The following SLC16A10 variants were observed in gnomAD, a reference collection of about 807,000 sequenced individuals.
SLC16A10 encodes monocarboxylate transporter 10.
In SLC16A10, 27 loss-of-function variants were observed where a neutral mutation model predicts 40.0. The ratio of observed to expected loss-of-function variants is 0.67; its 90% CI spans 0.50 to 0.93. The LOEUF (loss-of-function observed/expected upper bound fraction) is 0.93, where lower values mean the gene tolerates loss of function less well. SLC16A10 is among the 40% of genes least tolerant of loss of function. The pLI, the probability that SLC16A10 is intolerant of heterozygous loss-of-function variation, is 0.00. For missense variants in SLC16A10, 529 were observed against 658.2 expected, an observed-to-expected ratio of 0.80 and a Z score of 2.15; for synonymous variants, 213 against 249.8, an observed-to-expected ratio of 0.85 and a Z score of 1.39.
chr6:111,216,974 C>T (rs893344088), intron 4 of SLC16A10, among the ~76,000 whole-genome samples: 3 of 152,162 alleles, frequency 2.0e-5, no homozygotes, highest in African/African-American at 7.2e-5. Context: ...GTGGCTGCCC[C>T]GAGGTGTACT....
chr6:111,163,738 T>C (rs1172744139), intron 1 of SLC16A10, among the ~76,000 whole-genome samples: 1 of 152,148 alleles, frequency 6.6e-6, no homozygotes, highest in African/African-American at 2.4e-5. Flanking sequence ...ACATTAGAGG[T>C]TTAAAACACT....
chr6:111,189,368 A>G (rs1433580596), intron 3 of SLC16A10, among the ~76,000 whole-genome samples: 1 of 152,208 alleles, frequency 6.6e-6, no homozygotes, highest in Admixed American at 6.5e-5. Context: ...TGGGAGGCCT[A>G]TAACAGAATT....
At chr6:111,091,946 G>A (rs1223534157) in intron 1 of SLC16A10, among the ~76,000 whole-genome samples, 1 of 152,110 alleles carries the variant, frequency 6.6e-6, no homozygotes. Context: ...TCTGTTGTGG[G>A]ATACAAATTA....
rs1772704833 is a variant in SLC16A10, at chr6:111,177,334, G to A, written c.611G>A (p.Gly204Asp). ...AAGAAGCGCCTTGGACTGGTGAATGGCATTGTCACTGCTGGCAGCAGTGTC... is the reference window on the plus strand; with the variant it reads ...AAGAAGCGCCTTGGACTGGTGAATGACATTGTCACTGCTGGCAGCAGTGTC... ...YFKKRLGLVN[G>D]IVTAGSSVFT... The change falls in exon 3 of 6, where the codon GGC becomes GAC. Residue 204 changes from glycine (G) to aspartate (D), a missense_variant. Gly to Asp is a moderately conservative substitution (Grantham distance 94). Transcript: ENST00000368851. 2 of 1,613,672 alleles carry A rather than the reference G, an allele frequency of 1.2e-6. No individual in the cohort carries two copies. The highest frequency in any genetic ancestry group is 1.7e-6 in the Non-Finnish European group (2 of 1,179,870).
At chr6:111,134,042 A>C (rs1771832277) in intron 1 of SLC16A10, among the ~76,000 whole-genome samples, 1 of 152,230 alleles carries the variant, frequency 6.6e-6, no homozygotes, top group African/African-American at 2.4e-5. Flanking sequence ...AAATGAGAGA[A>C]GTGCTGCCAT....
rs1290049379 is a variant in SLC16A10, at chr6:111,224,993, T to G, written c.*2758T>G. On this transcript the variant is annotated 3_prime_UTR_variant, in exon 6 of 6. Coordinates refer to ENST00000368851, the MANE Select transcript of SLC16A10 (RefSeq NM_018593.5). ...CTGGCATTTGAGGCCAAAAAAAGCA[T>G]GAAAGGGAGTAACATTCCTTTTTAT... is the stretch of plus-strand genomic sequence containing the variant. The G allele has an allele frequency of 6.6e-6, 1 of 152,220 alleles. No homozygotes were observed. The highest frequency in any genetic ancestry group is 1.5e-5 in the Non-Finnish European group (1 of 68,032). The allele number at this position is 152,220 out of a possible 1,614,324, so 9.4% of individuals were successfully genotyped here.
intron 1 of SLC16A10, among the ~76,000 whole-genome samples, chr6:111,153,468 A>G (rs1150080): frequency 0.98 from 148,423 of 152,178 alleles, 72,385 homozygotes; most frequent in East Asian, 1. Flanking sequence ...CTGGGAGGTG[A>G]AGGTTGCAGT....
At chr6:111,178,455 G>C (rs1305827216) in intron 3 of SLC16A10, 1 of 530,896 alleles carries the variant, frequency 1.9e-6, no homozygotes, top group East Asian at 5.5e-5. Flanking sequence ...CTAGACTGGG[G>C]TTGGTGCCTC....
intron 1 of SLC16A10, among the ~76,000 whole-genome samples, chr6:111,135,530 TAGAGGAA>T (rs1771862895): frequency 6.6e-6 from 1 of 152,198 alleles, no homozygotes; most frequent in African/African-American, 2.4e-5. Context: ...TCCCAAATAC[TAGAGGAA>T]GCAAAGTGGT....
intron 1 of SLC16A10, among the ~76,000 whole-genome samples, chr6:111,113,070 T>C (rs1238460727): frequency 6.6e-6 from 1 of 152,148 alleles, no homozygotes; most frequent in Admixed American, 6.6e-5. Flanking sequence ...ATACTAGAAT[T>C]TAAAATATTA....
intron 3 of SLC16A10, among the ~76,000 whole-genome samples, chr6:111,189,453 T>A (rs1466335086): frequency 6.6e-6 from 1 of 152,218 alleles, no homozygotes; most frequent in African/African-American, 2.4e-5. Flanking sequence ...TTATTAAAAA[T>A]CTGCATATCA....
At chr6:111,169,919 CTTTTTTT>C (rs60561269) in intron 1 of SLC16A10, among the ~76,000 whole-genome samples, 1 of 135,114 alleles carries the variant, frequency 7.4e-6, no homozygotes, top group African/African-American at 2.7e-5. Flanking sequence ...TCTTTTCTTT[CTTTTTTT>C]TTTTTTTTGA....
chr6:111,223,618 C>G lies in SLC16A10; in HGVS notation c.*1383C>G, dbSNP rs1770941429. 1 of 152,146 alleles carries G rather than the reference C, an allele frequency of 6.6e-6. No individual in the cohort carries two copies. Among genetic ancestry groups the G allele is most frequent in the Admixed American group, 6.5e-5 (1 of 15,270 alleles). The allele number at this position is 152,146 out of a possible 1,614,324, so 9.4% of individuals were successfully genotyped here. On this transcript the variant is annotated 3_prime_UTR_variant, in exon 6 of 6. Transcript: ENST00000368851. ...TATTCAGGGGACTTAGATAATTTGC[C>G]TGTGGATGGTTCTTTTGCAGGAAAA...
intron 1 of SLC16A10, among the ~76,000 whole-genome samples, chr6:111,126,550 A>G (rs1474723389): frequency 6.6e-6 from 1 of 152,162 alleles, no homozygotes; most frequent in East Asian, 1.9e-4. Flanking sequence ...TTTATTGCTT[A>G]CCACGTTTCT....
chr6:111,092,606 G>A (rs1435481904), intron 1 of SLC16A10, among the ~76,000 whole-genome samples: 2 of 151,504 alleles, frequency 1.3e-5, no homozygotes, highest in African/African-American at 4.8e-5. Flanking sequence ...AAGCCACCGC[G>A]CCTGGCCAAG....
At chr6:111,163,554 C>G (rs968729921) in intron 1 of SLC16A10, among the ~76,000 whole-genome samples, 2 of 152,122 alleles carry the variant, frequency 1.3e-5, no homozygotes, top group Admixed American at 1.3e-4. Flanking sequence ...AAAATATAAC[C>G]TGAAGAAGAT....
intron 1 of SLC16A10, among the ~76,000 whole-genome samples, chr6:111,126,349 G>A (rs914932551): frequency 1.3e-5 from 2 of 151,968 alleles, no homozygotes; most frequent in Admixed American, 1.3e-4. Context: ...GGTGTTTCTT[G>A]GTATTTATGG....
At chr6:111,122,887 C>T (rs1437307709) in intron 1 of SLC16A10, among the ~76,000 whole-genome samples, 1 of 152,146 alleles carries the variant, frequency 6.6e-6, no homozygotes, top group Admixed American at 6.6e-5. Context: ...GTCACTCATC[C>T]CCTGGAGAGG....
intron 1 of SLC16A10, among the ~76,000 whole-genome samples, chr6:111,144,570 T>C (rs906089431): frequency 5.3e-5 from 8 of 152,254 alleles, no homozygotes; most frequent in African/African-American, 1.9e-4. Context: ...AATCACTGTC[T>C]GATTCTATTT....
Sources: gnomAD v4.1 joint callset for allele counts (sites outside exome capture counted in the v4.1 genomes callset) on GRCh38, gnomAD v4.1.1 for gene constraint, MANE v1.5 for transcripts, NCBI Gene and HGNC (gene_info 2026-07-23, HGNC 2026-07-21) for gene names.